The following TAFA4 variants were observed in gnomAD, a reference collection of about 807,000 sequenced individuals.
The protein encoded by TAFA4 is chemokine-like protein TAFA-4.
A neutral mutation model predicts 21.1 loss-of-function variants in TAFA4; 20 were observed. The ratio of observed to expected loss-of-function variants is 0.95; its 90% CI spans 0.67 to 1.38. The LOEUF is 1.38. Among genes scored for constraint, TAFA4 ranks in the 40% most tolerant of loss-of-function variants. The pLI is 0.00. For missense variants in TAFA4, 211 were observed against 180.9 expected (o/e 1.17, Z -0.95); for synonymous variants, 71 against 67.4 (o/e 1.05, Z -0.26).
chr3:68,856,042 G>C (rs1375707013), intron 3 of TAFA4, among the ~76,000 whole-genome samples: 1 of 151,752 alleles, frequency 6.6e-6, no homozygotes, highest in East Asian at 1.9e-4. Context: ...GATTGAGTGT[G>C]GATCCTTAAT....
chr3:68,918,298 AG>A (rs2090024944), intron 1 of TAFA4, among the ~76,000 whole-genome samples: 8 of 152,084 alleles, frequency 5.3e-5, no homozygotes. Flanking sequence ...ATGACACTGG[AG>A]AAAAAATCAG....
rs545147624 is a variant in TAFA4 at position 68,853,052 on chromosome 3, A to G, written c.130+27678T>C. ...TGAGGGTTCTTAAACAAGAAATGCA[A>G]AGGTTCAATTATGATTCACTTGAAT... On this transcript the variant is annotated intron_variant, in intron 3 of 5. Transcript: ENST00000295569. Among the ~76,000 whole-genome samples the G allele has an allele frequency of 5.9e-5, 9 of 152,282 alleles. No homozygotes were observed. The East Asian group carries it at 1.7e-3, about 29-fold the overall frequency.
rs1054228656 is a variant in TAFA4 at position 68,786,822 on chromosome 3, G to A, written c.131-33804C>T. On this transcript the variant is annotated intron_variant, in intron 3 of 5. Coordinates refer to ENST00000295569, the MANE Select transcript of TAFA4 (RefSeq NM_182522.5). ...TACAGGAAATCATTTTATGACTCAGGATTTACAATGGGTAGGTCTGAGAAA... is the reference window on the plus strand; with the variant it reads ...TACAGGAAATCATTTTATGACTCAGAATTTACAATGGGTAGGTCTGAGAAA... 4.6e-5 allele frequency among the ~76,000 whole-genome samples: 7 copies of A among 152,268 alleles called. No individual in the cohort carries two copies. The South Asian group carries it at 1.2e-3, about 27-fold the overall frequency.
At chr3:68,873,305 A>C (rs969396527) in intron 3 of TAFA4, among the ~76,000 whole-genome samples, 2 of 147,800 alleles carry the variant, frequency 1.4e-5, no homozygotes, top group African/African-American at 4.9e-5. Context: ...ACAGACACAG[A>C]CACACACACA....
intron 3 of TAFA4, among the ~76,000 whole-genome samples, chr3:68,781,936 G>C (rs1229938726): frequency 2.0e-5 from 3 of 152,098 alleles, no homozygotes; most frequent in African/African-American, 7.2e-5. Flanking sequence ...CATGACTTTC[G>C]ATTTAGCAAT....
rs191335805 is a variant in TAFA4 at position 68,827,245 on chromosome 3, A to C, written c.130+53485T>G. ...CTTTTTTATGGCTGCATAGTATTTCATGGCGTGTATGTGCCACATTTTCTT... is the reference window on the plus strand; with the variant it reads ...CTTTTTTATGGCTGCATAGTATTTCCTGGCGTGTATGTGCCACATTTTCTT... On this transcript the variant is annotated intron_variant, in intron 3 of 5. Transcript: ENST00000295569. Among the ~76,000 whole-genome samples, 1,073 of 152,206 alleles carry C rather than the reference A, an allele frequency of 7.0e-3. 12 individuals carry two copies. Among genetic ancestry groups the C allele is most frequent in the East Asian group, 0.037 (194 of 5,182 alleles).
chr3:68,802,167 T>C (rs1055706544), intron 3 of TAFA4, among the ~76,000 whole-genome samples: 2 of 152,216 alleles, frequency 1.3e-5, no homozygotes, highest in African/African-American at 4.8e-5. Flanking sequence ...TTCCAATTGA[T>C]ATCACCAGTT....
At chr3:68,783,373 G>A (rs1295522680) in intron 3 of TAFA4, among the ~76,000 whole-genome samples, 1 of 152,148 alleles carries the variant, frequency 6.6e-6, no homozygotes, top group African/African-American at 2.4e-5. Flanking sequence ...AACAAAGGCA[G>A]ACAGTCTCAG....
At chr3:68,839,622 T>C (rs1351555506) in intron 3 of TAFA4, among the ~76,000 whole-genome samples, 1 of 152,162 alleles carries the variant, frequency 6.6e-6, no homozygotes, top group Non-Finnish European at 1.5e-5. Context: ...CGTAAACCTG[T>C]CTCTTAAAAA....
Position 68,855,226 on chromosome 3 carries a change from A to G in TAFA4, c.130+25504T>C, listed in dbSNP as rs143873213. Among the ~76,000 whole-genome samples the G allele has an allele frequency of 1.1e-4, 17 of 152,320 alleles. No individual in the cohort carries two copies. In the East Asian group the frequency reaches 1.3e-3, roughly 12 times the overall value. On this transcript the variant is annotated intron_variant, in intron 3 of 5. Transcript: ENST00000295569. ...CTAATTTACAAAAAAGAAAAAATAC[A>G]ATCTAGATTACTTCTATGCAAAGTG...
chr3:68,820,750 T>C (rs1406715047), intron 3 of TAFA4, among the ~76,000 whole-genome samples: 1 of 152,210 alleles, frequency 6.6e-6, no homozygotes, highest in Non-Finnish European at 1.5e-5. Context: ...GGAATACCTA[T>C]GTTACATAGC....
chr3:68,736,259 TAAG>T (rs936265995), intron 5 of TAFA4, among the ~76,000 whole-genome samples: 7 of 150,196 alleles, frequency 4.7e-5, no homozygotes, highest in Admixed American at 1.3e-4. Flanking sequence ...AGATTTCAAT[TAAG>T]AAAAAAAAAA....
intron 3 of TAFA4, among the ~76,000 whole-genome samples, chr3:68,862,760 A>G (rs2089363120): frequency 6.6e-6 from 1 of 151,888 alleles, no homozygotes; most frequent in Admixed American, 6.6e-5. Flanking sequence ...GGAAACTGAC[A>G]TCTATCTCAG....
At chr3:68,885,535 C>G (rs2089663271) in intron 1 of TAFA4, among the ~76,000 whole-genome samples, 1 of 152,162 alleles carries the variant, frequency 6.6e-6, no homozygotes, top group Non-Finnish European at 1.5e-5. Flanking sequence ...GTTAACACCA[C>G]ATAGTTGTAA....
chr3:68,922,919 A>G (rs754719845), intron 1 of TAFA4, among the ~76,000 whole-genome samples: 4 of 152,208 alleles, frequency 2.6e-5, no homozygotes, highest in African/African-American at 4.8e-5. Context: ...CTAACATGCT[A>G]GGCCAGTATC....
At chr3:68,871,075 T>C (rs2089476563) in intron 3 of TAFA4, among the ~76,000 whole-genome samples, 1 of 152,108 alleles carries the variant, frequency 6.6e-6, no homozygotes, top group Admixed American at 6.6e-5. Context: ...GTAGAGGATG[T>C]GGAGAAATGG....
intron 1 of TAFA4, among the ~76,000 whole-genome samples, chr3:68,919,095 A>G (rs2090032841): frequency 6.6e-6 from 1 of 152,182 alleles, no homozygotes; most frequent in Non-Finnish European, 1.5e-5. Flanking sequence ...TGCTTCAACC[A>G]GTTAGGAAAA....
At chr3:68,756,004 G>C (rs1702653466) in intron 3 of TAFA4, among the ~76,000 whole-genome samples, 1 of 152,180 alleles carries the variant, frequency 6.6e-6, no homozygotes, top group Non-Finnish European at 1.5e-5. Flanking sequence ...TGGTCACATG[G>C]ATAAGTGTGG....
chr3:68,909,957 G>C (rs2089943984), intron 1 of TAFA4, among the ~76,000 whole-genome samples: 1 of 152,168 alleles, frequency 6.6e-6, no homozygotes, highest in South Asian at 2.1e-4. Context: ...GTTGTTGGCA[G>C]TATTCAGTCC....
Sources: gnomAD v4.1 joint callset for allele counts (sites outside exome capture counted in the v4.1 genomes callset) on GRCh38, gnomAD v4.1.1 for gene constraint, MANE v1.5 for transcripts, NCBI Gene and HGNC (gene_info 2026-07-23, HGNC 2026-07-21) for gene names.